ANXA8: variants seen among roughly 807,000 people sequenced by gnomAD.
ANXA8 encodes VAC-beta.
In ANXA8, 9 loss-of-function variants were observed where a neutral mutation model predicts 26.8. The ratio of observed to expected loss-of-function variants is 0.34; its 90% CI spans 0.20 to 0.59. The LOEUF (loss-of-function observed/expected upper bound fraction) is 0.59. ANXA8 is among the 20% of genes least tolerant of loss of function. ANXA8 has a pLI of 0.84. For synonymous variants in ANXA8, 39 were observed against 94.8 expected (o/e 0.41, Z 3.42); for missense variants, 83 against 238.5 (o/e 0.35, Z 4.29).
At chr10:47,495,947 G>A in the ANXA8 span, among the ~76,000 whole-genome samples, 1 of 151,602 alleles carries the variant, frequency 6.6e-6, no homozygotes, top group Non-Finnish European at 1.5e-5. Flanking sequence ...TGGTGCCCGG[G>A]GAAGTCCAGG....
the ANXA8 span, among the ~76,000 whole-genome samples, chr10:47,941,356 T>C: frequency 6.8e-6 from 1 of 146,890 alleles, no homozygotes; most frequent in South Asian, 2.1e-4. Context: ...TTCATCTTTA[T>C]TAAAGCTGGC....
At chr10:47,717,897 C>T in the ANXA8 span, among the ~76,000 whole-genome samples, 2 of 150,700 alleles carry the variant, frequency 1.3e-5, no homozygotes, top group East Asian at 2.0e-4. Context: ...ACTTGGGAGG[C>T]TGAGGCAGGA....
the ANXA8 span, among the ~76,000 whole-genome samples, chr10:47,526,122 T>G: frequency 6.0e-5 from 8 of 133,574 alleles, no homozygotes; most frequent in Admixed American, 4.6e-4. Context: ...TTTTTTTTTT[T>G]TTGAGACAGA....
the ANXA8 span, among the ~76,000 whole-genome samples, chr10:47,699,344 C>CAAAAAAAAA: frequency 5.9e-4 from 32 of 54,072 alleles, no homozygotes; most frequent in African/African-American, 8.2e-4. Flanking sequence ...ATTCTGTCTC[C>CAAAAAAAAA]AAAAAAAAAA....
At chr10:47,938,737 C>A in the ANXA8 span, among the ~76,000 whole-genome samples, 1 of 148,918 alleles carries the variant, frequency 6.7e-6, no homozygotes, top group Non-Finnish European at 1.5e-5. Context: ...CCTGAACTGG[C>A]CCCACACTCA....
chr10:47,697,833 GAAAC>G, the ANXA8 span, among the ~76,000 whole-genome samples: 2 of 103,234 alleles, frequency 1.9e-5, no homozygotes, highest in Admixed American at 2.3e-4. Flanking sequence ...AAAAATGAAT[GAAAC>G]AGACATATAA....
chr10:47,645,092 C>A, the ANXA8 span, among the ~76,000 whole-genome samples: 124 of 151,614 alleles, frequency 8.2e-4, no homozygotes, highest in African/African-American at 3.0e-3. Flanking sequence ...ATTATACTTT[C>A]TTCATCTAAC....
the ANXA8 span, among the ~76,000 whole-genome samples, chr10:47,729,112 TCATATCA>T: frequency 2.0e-5 from 3 of 147,666 alleles, no homozygotes; most frequent in Admixed American, 6.8e-5. Context: ...AGCATAATTC[TCATATCA>T]CATATACTTC....
chr10:47,488,806 C>A (rs1278868771), upstream of ANXA8, among the ~76,000 whole-genome samples: 7 of 133,808 alleles, frequency 5.2e-5, no homozygotes, highest in African/African-American at 2.0e-4. Flanking sequence ...CGGCTCACTG[C>A]AAGCTCCACC....
the ANXA8 span, chr10:47,986,453 T>C: frequency 7.4e-6 from 2 of 268,618 alleles, no homozygotes; most frequent in Non-Finnish European, 1.5e-5. Flanking sequence ...ATTGACTTGT[T>C]TCTTACTGAT....
the ANXA8 span, among the ~76,000 whole-genome samples, chr10:47,530,142 G>C: frequency 1.4e-5 from 2 of 139,024 alleles, no homozygotes; most frequent in Non-Finnish European, 3.1e-5. Context: ...ACCTGGGGCT[G>C]AAAGCAGGTA....
the ANXA8 span, among the ~76,000 whole-genome samples, chr10:47,510,884 TC>T: frequency 3.0e-5 from 4 of 131,928 alleles, no homozygotes; most frequent in Non-Finnish European, 6.3e-5. Flanking sequence ...CATATTTTTT[TC>T]TACAGCAATA....
the ANXA8 span, among the ~76,000 whole-genome samples, chr10:47,645,751 A>C: frequency 6.7e-6 from 1 of 149,932 alleles, no homozygotes; most frequent in Non-Finnish European, 1.5e-5. Context: ...AGACTGAGTG[A>C]AGAGGATCAT....
At chr10:47,936,815 C>T in the ANXA8 span, among the ~76,000 whole-genome samples, 1,910 of 148,830 alleles carry the variant, frequency 0.013, no homozygotes, top group African/African-American at 0.047. Flanking sequence ...AGTGCGCTGC[C>T]CTGGAAGGGT....
the ANXA8 span, among the ~76,000 whole-genome samples, chr10:47,626,302 T>A: frequency 1.8e-4 from 27 of 150,230 alleles, 1 homozygote; most frequent in Non-Finnish European, 3.4e-4. Context: ...AGTCAATCAC[T>A]TTTTTCACAT....
At chr10:47,671,371 G>A in the ANXA8 span, among the ~76,000 whole-genome samples, 826 of 135,882 alleles carry the variant, frequency 6.1e-3, no homozygotes, top group African/African-American at 0.015. Flanking sequence ...GTGGTGAGCC[G>A]AGATCGTAGC....
the ANXA8 span, among the ~76,000 whole-genome samples, chr10:47,514,248 C>A: frequency 1.4e-5 from 2 of 147,330 alleles, no homozygotes; most frequent in Admixed American, 1.3e-4. Flanking sequence ...GATATACATA[C>A]ATATTATATA....
the ANXA8 span, chr10:47,553,320 C>G: frequency 6.6e-6 from 1 of 152,430 alleles, no homozygotes; most frequent in Admixed American, 6.5e-5. Context: ...CAACGACCCC[C>G]GGGCACACCT....
chr10:47,699,822 G>A, the ANXA8 span, among the ~76,000 whole-genome samples: 1 of 151,340 alleles, frequency 6.6e-6, no homozygotes, highest in South Asian at 2.1e-4. Context: ...ACAGAGCAAG[G>A]CCCTGTCTCA....
Sources: gnomAD v4.1 joint callset for allele counts (sites outside exome capture counted in the v4.1 genomes callset) on GRCh38, gnomAD v4.1.1 for gene constraint, MANE v1.5 for transcripts, NCBI Gene and HGNC (gene_info 2026-07-23, HGNC 2026-07-21) for gene names.